KCND3: variants seen among roughly 807,000 people sequenced by gnomAD.
KCND3 encodes potassium voltage-gated channel subfamily D member 3.
In KCND3, 9 loss-of-function variants were observed where a neutral mutation model predicts 51.1. That is an observed-to-expected ratio of 0.18 (90% CI 0.11 to 0.31). The LOEUF (loss-of-function observed/expected upper bound fraction) is 0.31, where lower values mean the gene tolerates loss of function less well. KCND3 is among the 10% of genes least tolerant of loss of function. The pLI is 1.00. For synonymous variants in KCND3, 349 were observed against 368.0 expected (o/e 0.95, Z 0.59); for missense variants, 526 against 903.8 (o/e 0.58, Z 5.36).
chr1:111,811,459 C>A (rs1438795948), intron 2 of KCND3, among the ~76,000 whole-genome samples: 1 of 152,128 alleles, frequency 6.6e-6, no homozygotes, highest in East Asian at 1.9e-4. Context: ...AAGAAATACG[C>A]AGAAAAGCTG....
At chr1:111,818,877 C>T (rs536527273) in intron 2 of KCND3, among the ~76,000 whole-genome samples, 2 of 152,332 alleles carry the variant, frequency 1.3e-5, no homozygotes, top group South Asian at 4.1e-4. Context: ...AGGCCCTAAA[C>T]ATTACACTTT....
chr1:111,880,594 C>G (rs772545519), intron 2 of KCND3, among the ~76,000 whole-genome samples: 5 of 152,112 alleles, frequency 3.3e-5, no homozygotes, highest in Non-Finnish European at 5.9e-5. Flanking sequence ...TTGGTAGTAC[C>G]ATATAAATAC....
intron 2 of KCND3, among the ~76,000 whole-genome samples, chr1:111,956,080 T>C (rs952244940): frequency 6.6e-6 from 1 of 152,096 alleles, no homozygotes; most frequent in African/African-American, 2.4e-5. Flanking sequence ...AAGCTTAAAG[T>C]GAGGAAGGGG....
At chr1:111,805,774 T>C (rs1005911831) in intron 2 of KCND3, among the ~76,000 whole-genome samples, 1 of 152,144 alleles carries the variant, frequency 6.6e-6, no homozygotes, top group African/African-American at 2.4e-5. Context: ...GTGGACGGTG[T>C]GAAAATTCCC....
intron 2 of KCND3, among the ~76,000 whole-genome samples, chr1:111,857,419 G>A (rs777119096): frequency 2.0e-5 from 3 of 152,204 alleles, no homozygotes; most frequent in Non-Finnish European, 4.4e-5. Flanking sequence ...CTGATGGAGT[G>A]AGTGTTGTCC....
intron 2 of KCND3, among the ~76,000 whole-genome samples, chr1:111,880,759 T>A (rs1428306089): frequency 6.6e-6 from 1 of 152,230 alleles, no homozygotes; most frequent in East Asian, 1.9e-4. Flanking sequence ...GCTCCTGCTA[T>A]TCCCTGGTGA....
At chr1:111,834,965 G>A (rs1470103573) in intron 2 of KCND3, among the ~76,000 whole-genome samples, 1 of 152,192 alleles carries the variant, frequency 6.6e-6, no homozygotes, top group African/African-American at 2.4e-5. Context: ...CATCCAATGG[G>A]TTCAGACCAA....
At chr1:111,911,854 T>C (rs1368987183) in intron 2 of KCND3, among the ~76,000 whole-genome samples, 1 of 152,020 alleles carries the variant, frequency 6.6e-6, no homozygotes, top group African/African-American at 2.4e-5. Flanking sequence ...TTGAGAGAGG[T>C]GAATCAAATG....
intron 2 of KCND3, among the ~76,000 whole-genome samples, chr1:111,808,394 C>T (rs1243966610): frequency 6.6e-6 from 1 of 152,176 alleles, no homozygotes; most frequent in East Asian, 1.9e-4. Context: ...TAAAGCCTCC[C>T]CCAAAACTAA....
intron 2 of KCND3, among the ~76,000 whole-genome samples, chr1:111,944,459 C>T (rs1475967841): frequency 6.6e-6 from 1 of 152,214 alleles, no homozygotes; most frequent in East Asian, 1.9e-4. Context: ...CTGGAGGCTC[C>T]GTCTGGCCCA....
intron 2 of KCND3, among the ~76,000 whole-genome samples, chr1:111,887,539 A>G (rs1416187453): frequency 6.6e-6 from 1 of 152,128 alleles, no homozygotes; most frequent in Non-Finnish European, 1.5e-5. Context: ...CAAACTAAAC[A>G]AGCTCCAAAA....
intron 2 of KCND3, among the ~76,000 whole-genome samples, chr1:111,801,766 C>A (rs938022463): frequency 2.0e-5 from 3 of 152,234 alleles, no homozygotes; most frequent in African/African-American, 7.2e-5. Context: ...TGCCCTCCAT[C>A]TTGGGCATCC....
chr1:111,882,185 C>T (rs993072469), intron 2 of KCND3, among the ~76,000 whole-genome samples: 2 of 152,150 alleles, frequency 1.3e-5, no homozygotes, highest in African/African-American at 4.8e-5. Context: ...TTTTCCCATG[C>T]CCCAACTTAG....
At chr1:111,946,694 G>C (rs1672794040) in intron 2 of KCND3, among the ~76,000 whole-genome samples, 2 of 152,172 alleles carry the variant, frequency 1.3e-5, no homozygotes, top group African/African-American at 4.8e-5. Context: ...ATACTGAAAA[G>C]TGAGAAGTCT....
intron 2 of KCND3, among the ~76,000 whole-genome samples, chr1:111,885,951 G>A (rs1219467539): frequency 1.3e-5 from 2 of 152,186 alleles, no homozygotes; most frequent in East Asian, 1.9e-4. Flanking sequence ...GATTACAGGC[G>A]TGAGCCACCG....
At chr1:111,811,724 T>A (rs954539431) in intron 2 of KCND3, among the ~76,000 whole-genome samples, 1 of 152,224 alleles carries the variant, frequency 6.6e-6, no homozygotes, top group Non-Finnish European at 1.5e-5. Flanking sequence ...AAAGCCTTCA[T>A]TATTTTTAAA....
At chr1:111,842,604 C>T (rs1434612792) in intron 2 of KCND3, among the ~76,000 whole-genome samples, 1 of 152,196 alleles carries the variant, frequency 6.6e-6, no homozygotes, top group East Asian at 1.9e-4. Flanking sequence ...TGGACAGTGA[C>T]CAACGGGAGC....
rs778897221 is a variant in KCND3, at chr1:111,982,274, G to A, written c.453C>T (p.Asn151=). The change falls in exon 2 of 8, where the codon AAC becomes AAT. Residue 151 remains asparagine (N), a synonymous_variant. Transcript: ENST00000302127. The surrounding 1 kb of genome is among the most constrained non-coding windows in gnomAD (Gnocchi z 8.5). ...RENAERLMDD[N]DSENNQESMP... is the part of the protein sequence containing the mutation. ...TGGACTCCTGGTTGTTCTCCGAGTC[G>A]TTGTCGTCCATGAGCCGCTCGGCGT... is the stretch of plus-strand genomic sequence containing the variant. 4 of 1,614,084 alleles carry A rather than the reference G, an allele frequency of 2.5e-6. No individual in the cohort carries two copies. The highest frequency in any genetic ancestry group is 4.5e-5 in the East Asian group (2 of 44,844).
At position 111,932,845 on chromosome 1, in the gene KCND3, G is replaced by C. The variant is rs919789645; in HGVS notation, c.1106+48776C>G. ...ATTTAAAAAGAACAGAGTGTGATCT[G>C]ATATGGTGGTATGCATTGCTCTGGG... On this transcript the variant is annotated intron_variant, in intron 2 of 7. Transcript: ENST00000302127. Among the ~76,000 whole-genome samples the C allele has an allele frequency of 3.3e-5, 5 of 152,204 alleles. No homozygotes were observed. The East Asian group carries it at 7.7e-4, about 23-fold the overall frequency.
Sources: allele counts gnomAD v4.1 joint callset (sites outside exome capture counted in the v4.1 genomes callset), GRCh38; gene constraint gnomAD v4.1.1; non-coding constraint Gnocchi (gnomAD v3.1); transcripts MANE v1.5; gene names NCBI Gene and HGNC (gene_info 2026-07-23, HGNC 2026-07-21).